Variants in SLC7A14 observed in about 807,000 individuals in gnomAD.
The protein encoded by SLC7A14 is solute carrier family 7 member 14.
Under a neutral mutation model 60.2 loss-of-function variants are expected in SLC7A14, and 37 were observed. That is an observed-to-expected ratio of 0.61 (90% CI 0.47 to 0.81). The LOEUF is 0.81. SLC7A14 is among the 30% of genes least tolerant of loss of function. SLC7A14 has a pLI of 0.00. For synonymous variants in SLC7A14, 399 were observed against 395.8 expected (o/e 1.01, Z -0.10); for missense variants, 886 against 982.7 (o/e 0.90, Z 1.32).
chr3:170,537,876 C>T (rs1279673780), intron 1 of SLC7A14, among the ~76,000 whole-genome samples: 1 of 152,124 alleles, frequency 6.6e-6, no homozygotes, highest in Non-Finnish European at 1.5e-5. Flanking sequence ...TAATGTTATC[C>T]CAGGCTTGGG....
chr3:170,574,231 G>C (rs1715028324), intron 1 of SLC7A14, among the ~76,000 whole-genome samples: 1 of 152,146 alleles, frequency 6.6e-6, no homozygotes, highest in South Asian at 2.1e-4. Context: ...TGTATAAATG[G>C]AAAATTTTAG....
chr3:170,490,426 CTTGTAAATCA>C, intron 4 of SLC7A14, among the ~76,000 whole-genome samples: 1 of 152,166 alleles, frequency 6.6e-6, no homozygotes, highest in Non-Finnish European at 1.5e-5. Flanking sequence ...ATACCCTCCT[CTTGTAAATCA>C]TTTAGTGACT....
chr3:170,504,037 G>GTC (rs1712692377), intron 2 of SLC7A14, among the ~76,000 whole-genome samples: 1 of 152,168 alleles, frequency 6.6e-6, no homozygotes. Flanking sequence ...TCACGAAATC[G>GTC]TTGTTTTGGA....
intron 1 of SLC7A14, among the ~76,000 whole-genome samples, chr3:170,583,806 C>T (rs190093043): frequency 1.3e-4 from 20 of 152,310 alleles, no homozygotes; most frequent in Admixed American, 4.6e-4. Context: ...ACAGTGGTAT[C>T]TCAAGCAGCA....
At chr3:170,483,587 C>A (rs1002423294) in intron 5 of SLC7A14, 65 bp from the exon 6 acceptor site, 3 of 1,570,710 alleles carry the variant, frequency 1.9e-6, no homozygotes, top group Non-Finnish European at 2.6e-6. Flanking sequence ...AGAGGCCCCA[C>A]GGGAGAGGAA....
At chr3:170,557,135 A>G (rs1252114573) in intron 1 of SLC7A14, among the ~76,000 whole-genome samples, 2 of 152,072 alleles carry the variant, frequency 1.3e-5, no homozygotes, top group East Asian at 3.8e-4. Flanking sequence ...TACTGAGTGT[A>G]TTGTGTGGTA....
rs769110953 is a variant in SLC7A14 at position 170,481,057 on chromosome 3, C to T, written c.1225G>A (p.Glu409Lys). The change falls in exon 7 of 8, where the codon GAG (glutamate) becomes AAG (lysine). Residue 409 changes from glutamate (E) to lysine (K), a missense_variant. Glu to Lys is a moderately conservative substitution (Grantham distance 56). Transcript: ENST00000231706. ...AGGAGCGTGCCGATAGACATCATCTCTATCAGGTCTCTCAAGCTGACCAAC... is the reference window on the plus strand; with the variant it reads ...AGGAGCGTGCCGATAGACATCATCTTTATCAGGTCTCTCAAGCTGACCAAC... The part of the protein sequence containing the change: ...ALLVSLRDLI[E>K]MMSIGTLLAY... The T allele has an allele frequency of 9.3e-6, 15 of 1,613,986 alleles. No individual in the cohort carries two copies. The highest frequency in any genetic ancestry group is 1.3e-5 in the African/African-American group (1 of 74,894).
chr3:170,514,392 A>C (rs985226865), intron 2 of SLC7A14, among the ~76,000 whole-genome samples: 2 of 152,206 alleles, frequency 1.3e-5, no homozygotes, highest in Non-Finnish European at 2.9e-5. Flanking sequence ...TGCCTTACTT[A>C]TCTCTGCATC....
chr3:170,518,499 T>C lies in SLC7A14; in HGVS notation c.304+8134A>G, dbSNP rs139552587. Among the ~76,000 whole-genome samples the C allele has an allele frequency of 4.7e-3, 718 of 152,296 alleles. 3 individuals carry two copies. The highest frequency in any genetic ancestry group is 6.8e-3 in the Middle Eastern group (2 of 294). ...CTAGGACTTCATATCTCCTGTATGT[T>C]TTGTGCAATATGTGCATAACAGCTT... On this transcript the variant is annotated intron_variant, in intron 2 of 7. Coordinates refer to ENST00000231706, the MANE Select transcript of SLC7A14 (RefSeq NM_020949.3).
intron 2 of SLC7A14, among the ~76,000 whole-genome samples, chr3:170,507,309 C>A (rs1237294549): frequency 6.6e-6 from 1 of 152,146 alleles, no homozygotes; most frequent in African/African-American, 2.4e-5. Context: ...GATTTCCTGA[C>A]CTTGAAGCAT....
chr3:170,577,491 G>A (rs1013385489), intron 1 of SLC7A14, among the ~76,000 whole-genome samples: 12 of 151,652 alleles, frequency 7.9e-5, no homozygotes, highest in African/African-American at 2.2e-4. Context: ...GGTGGCGGGC[G>A]CCTGTAGTCC....
chr3:170,568,544 A>G (rs1314344692), intron 1 of SLC7A14, among the ~76,000 whole-genome samples: 5 of 152,178 alleles, frequency 3.3e-5, no homozygotes, highest in Admixed American at 6.5e-5. Flanking sequence ...CAGTTCTGTG[A>G]AGAAAGTCAT....
Position 170,480,989 on chromosome 3 carries a change from G to A in SLC7A14, c.1293C>T (p.Tyr431=). Residue 431 remains tyrosine, a synonymous_variant, in exon 7 of 8, where the codon TAC becomes TAT. Coordinates refer to ENST00000231706, the MANE Select transcript of SLC7A14 (RefSeq NM_020949.3). ...AACCATCAATGTCACTCTCAGGTTG[G>A]TATCGAAGGAGCAAGACACAGACAG... ...LVSVCVLLLR[Y]QPESDIDGFV... is the part of the protein sequence containing the mutation. 6.2e-7 allele frequency: 1 copy of A among 1,614,064 alleles called. No homozygotes were observed. The highest frequency in any genetic ancestry group is 1.3e-5 in the African/African-American group (1 of 74,994).
intron 7 of SLC7A14, among the ~76,000 whole-genome samples, chr3:170,473,219 C>G (rs750772947): frequency 2.6e-5 from 4 of 152,148 alleles, no homozygotes; most frequent in Non-Finnish European, 4.4e-5. Flanking sequence ...GAAAATTAAG[C>G]AAATGACCCC....
At chr3:170,489,262 G>GA (rs1268440747) in intron 4 of SLC7A14, among the ~76,000 whole-genome samples, 9 of 152,038 alleles carry the variant, frequency 5.9e-5, no homozygotes, top group East Asian at 1.9e-4. Context: ...AACTCTATAG[G>GA]AAAAAATCTA....
chr3:170,566,592 G>A (rs1012582653), intron 1 of SLC7A14, among the ~76,000 whole-genome samples: 3 of 152,076 alleles, frequency 2.0e-5, no homozygotes, highest in African/African-American at 7.2e-5. Context: ...ACTCACTGTT[G>A]TCAGAACCTT....
intron 4 of SLC7A14, chr3:170,495,649 A>T: frequency 2.4e-6 from 2 of 836,560 alleles, no homozygotes; most frequent in Non-Finnish European, 4.2e-6. Context: ...ACGTTCAACC[A>T]GAGCCTGCTG....
At chr3:170,500,954 A>G (rs1057286440) in intron 3 of SLC7A14, among the ~76,000 whole-genome samples, 155 bp downstream of exon 3, 2 of 152,214 alleles carry the variant, frequency 1.3e-5, no homozygotes, top group Admixed American at 1.3e-4. Flanking sequence ...TTAAGGATGG[A>G]TAGATTCATA....
intron 7 of SLC7A14, among the ~76,000 whole-genome samples, chr3:170,477,761 A>G (rs1463499225): frequency 6.6e-6 from 1 of 152,256 alleles, no homozygotes; most frequent in Non-Finnish European, 1.5e-5. Flanking sequence ...ATAACTGTAC[A>G]ATATTTTTAA....
Sources: allele counts gnomAD v4.1 joint callset (sites outside exome capture counted in the v4.1 genomes callset), GRCh38; gene constraint gnomAD v4.1.1; transcripts MANE v1.5; gene names NCBI Gene and HGNC (gene_info 2026-07-23, HGNC 2026-07-21).